Variants in KCNH8 observed in about 807,000 individuals in gnomAD.
KCNH8 encodes the protein potassium voltage-gated channel subfamily H member 8.
A neutral mutation model predicts 103.6 loss-of-function variants in KCNH8; 70 were observed. That is an observed-to-expected ratio of 0.68 (90% CI 0.56 to 0.82). The LOEUF is 0.82. KCNH8 is among the 40% of genes least tolerant of loss of function. The pLI is 0.00. For missense variants in KCNH8, 1,217 were observed against 1,329.9 expected (o/e 0.92, Z 1.32); for synonymous variants, 498 against 489.4 (o/e 1.02, Z -0.23).
intron 2 of KCNH8, among the ~76,000 whole-genome samples, chr3:19,267,813 C>G (rs2064533619): frequency 6.6e-6 from 1 of 152,116 alleles, no homozygotes; most frequent in African/African-American, 2.4e-5. Flanking sequence ...AGGCTTCTGT[C>G]CCTTATGAAC....
At chr3:19,274,790 G>A (rs1047221753) in intron 2 of KCNH8, among the ~76,000 whole-genome samples, 5 of 147,896 alleles carry the variant, frequency 3.4e-5, no homozygotes, top group South Asian at 2.2e-4. Context: ...AACTTGACAC[G>A]TTTCAATCAG....
chr3:19,253,933 G>A (rs375011458), intron 2 of KCNH8, 46 bp downstream of exon 2: 196 of 1,356,548 alleles, frequency 1.4e-4, no homozygotes, highest in Non-Finnish European at 1.9e-4. Flanking sequence ...GTGAGAGGCC[G>A]TCTTCTTTCA....
intron 3 of KCNH8, among the ~76,000 whole-genome samples, chr3:19,299,189 A>G (rs990582733): frequency 6.6e-6 from 1 of 152,200 alleles, no homozygotes; most frequent in African/African-American, 2.4e-5. Flanking sequence ...TGAGAAAATA[A>G]AAAGAAAAAT....
intron 2 of KCNH8, among the ~76,000 whole-genome samples, chr3:19,258,783 T>C (rs1383113319): frequency 6.6e-6 from 1 of 151,694 alleles, no homozygotes; most frequent in African/African-American, 2.4e-5. Context: ...TTTGCAGTGA[T>C]TCTACATACT....
intron 3 of KCNH8, among the ~76,000 whole-genome samples, chr3:19,296,750 C>T (rs144434532): frequency 9.9e-5 from 15 of 151,942 alleles, no homozygotes; most frequent in South Asian, 2.1e-4. Flanking sequence ...CAGTGTATAC[C>T]GCTCAGGTGA....
At chr3:19,175,441 C>T (rs1234796979) in intron 1 of KCNH8, among the ~76,000 whole-genome samples, 3 of 152,182 alleles carry the variant, frequency 2.0e-5, no homozygotes, top group Admixed American at 6.5e-5. Context: ...GATCTCCTGA[C>T]CTCGTGATCC....
chr3:19,373,156 C>T (rs1285965605), intron 5 of KCNH8, among the ~76,000 whole-genome samples: 2 of 151,836 alleles, frequency 1.3e-5, no homozygotes, highest in African/African-American at 2.4e-5. Context: ...CCCTCCTTTT[C>T]TGTTGATTGG....
At chr3:19,255,449 C>G (rs1394233343) in intron 2 of KCNH8, among the ~76,000 whole-genome samples, 1 of 151,930 alleles carries the variant, frequency 6.6e-6, no homozygotes. Context: ...ATTTGAATAC[C>G]CTGTATTCCT....
In KCNH8 at chr3:19,226,623, G is replaced by GCACACACACACACACACA. The variant is rs146546353; in HGVS notation, c.77-27027_77-27010dup. The stretch of plus-strand genomic sequence containing the variant: ...CTCTGTCACACACACACACATGCAT[G>GCACACACACACACACACA]CACACACACACACACACACACGGGA... On this transcript the variant is annotated intron_variant, in intron 1 of 15. Coordinates refer to ENST00000328405, the MANE Select transcript of KCNH8 (RefSeq NM_144633.3). 5.4e-3 allele frequency among the ~76,000 whole-genome samples: 784 copies of GCACACACACACACACACA among 145,714 alleles called. 7 individuals carry two copies. Among genetic ancestry groups the GCACACACACACACACACA allele is most frequent in the African/African-American group, 0.019 (744 of 39,598 alleles).
intron 1 of KCNH8, among the ~76,000 whole-genome samples, chr3:19,173,886 C>T (rs550671361): frequency 4.0e-5 from 6 of 151,850 alleles, no homozygotes; most frequent in Admixed American, 1.3e-4. Context: ...TTCTTGGTAA[C>T]TGTGCTTATC....
chr3:19,213,900 C>G (rs1167551490), intron 1 of KCNH8, among the ~76,000 whole-genome samples: 1 of 152,200 alleles, frequency 6.6e-6, no homozygotes, highest in African/African-American at 2.4e-5. Context: ...AGTCCCTCTG[C>G]AAGCCTGCAG....
intron 1 of KCNH8, among the ~76,000 whole-genome samples, chr3:19,195,983 C>G (rs976290542): frequency 6.6e-6 from 1 of 151,974 alleles, no homozygotes; most frequent in Non-Finnish European, 1.5e-5. Flanking sequence ...TGTCTATCTA[C>G]TTCCTGAGTA....
At chr3:19,426,705 T>C (rs576271966) in intron 7 of KCNH8, among the ~76,000 whole-genome samples, 3 of 152,166 alleles carry the variant, frequency 2.0e-5, no homozygotes, top group South Asian at 4.2e-4. Flanking sequence ...TCTTAAACAA[T>C]AGGAGAGGTT....
chr3:19,252,734 C>T (rs1438309410), intron 1 of KCNH8, among the ~76,000 whole-genome samples: 1 of 152,106 alleles, frequency 6.6e-6, no homozygotes. Flanking sequence ...GTTGTTTGTG[C>T]CAGACACTTC....
chr3:19,518,083 CTCTT>C lies in KCNH8; in HGVS notation c.2619+15_2619+18del, dbSNP rs1241197399. The C allele has an allele frequency of 6.2e-7, 1 of 1,606,842 alleles. No homozygotes were observed. Reference sequence around the variant, plus strand: ...ACAAACTCAACAGTGAGGTATGGAGCTCTTTCTTTGGTCATGCCTAAATGGTAAG... The same window carrying C: ...ACAAACTCAACAGTGAGGTATGGAGCTCTTTGGTCATGCCTAAATGGTAAG... On this transcript the variant is annotated intron_variant, in intron 15 of 15. Coordinates refer to ENST00000328405, the MANE Select transcript of KCNH8 (RefSeq NM_144633.3).
chr3:19,342,727 T>A lies in KCNH8; in HGVS notation c.570+13T>A, dbSNP rs779224228. 22 of 1,597,630 alleles carry A rather than the reference T, an allele frequency of 1.4e-5. No individual in the cohort carries two copies. The highest frequency in any genetic ancestry group is 1.9e-5 in the Non-Finnish European group (22 of 1,169,370). ...GAAAATAAATAACGTAGGTGGTATG[T>A]GTGTACAGGATGAATGCTAGTGTTT... On this transcript the variant is annotated intron_variant, in intron 4 of 15. Transcript: ENST00000328405.
intron 5 of KCNH8, among the ~76,000 whole-genome samples, chr3:19,377,750 G>C (rs2066231648): frequency 6.6e-6 from 1 of 152,202 alleles, no homozygotes; most frequent in Non-Finnish European, 1.5e-5. Flanking sequence ...GTGGAGAACT[G>C]TGTGAATGCC....
chr3:19,313,789 T>C (rs2065238170), intron 3 of KCNH8, among the ~76,000 whole-genome samples: 1 of 151,854 alleles, frequency 6.6e-6, no homozygotes. Flanking sequence ...TCATACAAAG[T>C]ACCATGGGTC....
chr3:19,419,976 A>AT (rs1486751327), intron 7 of KCNH8, among the ~76,000 whole-genome samples: 1 of 152,192 alleles, frequency 6.6e-6, no homozygotes, highest in South Asian at 2.1e-4. Context: ...AAAATGTCAT[A>AT]TGACAATTTT....
Sources: gnomAD v4.1 joint callset for allele counts (sites outside exome capture counted in the v4.1 genomes callset) on GRCh38, gnomAD v4.1.1 for gene constraint, MANE v1.5 for transcripts, NCBI Gene and HGNC (gene_info 2026-07-23, HGNC 2026-07-21) for gene names.